Variants in AJAP1 observed in about 807,000 individuals in gnomAD.
The protein encoded by AJAP1 is adherens junctions associated protein 1, also known as adherens junction-associated protein 1.
AJAP1 carries 5 observed loss-of-function variants against 35.0 expected under a neutral mutation model. That is an observed-to-expected ratio of 0.14 (90% confidence interval 0.07 to 0.30). The LOEUF (loss-of-function observed/expected upper bound fraction) is 0.30, where lower values mean the gene tolerates loss of function less well. Among genes scored for constraint, AJAP1 ranks in the 10% least tolerant of loss-of-function variants. The probability of loss-of-function intolerance (pLI) is 1.00; values close to 1 mark genes in which losing one functional copy is unlikely to be tolerated. For synonymous variants in AJAP1, 284 were observed against 249.3 expected, an observed-to-expected ratio of 1.14 and a Z score of -1.31; for missense variants, 586 against 571.0, an observed-to-expected ratio of 1.03 and a Z score of -0.27.
intron 2 of AJAP1, among the ~76,000 whole-genome samples, chr1:4,731,368 A>C (rs1393653443): frequency 6.6e-6 from 1 of 152,232 alleles, no homozygotes; most frequent in Non-Finnish European, 1.5e-5. Context: ...GGCGTGAGCC[A>C]CTGTGCCTGG....
At chr1:4,665,448 T>C (rs955969713) in intron 1 of AJAP1, among the ~76,000 whole-genome samples, 17 of 152,066 alleles carry the variant, frequency 1.1e-4, no homozygotes. Context: ...CAGCTCCAGG[T>C]TCCTTCTTCC....
Position 4,788,906 on chromosome 1 carries a change from A to C in AJAP1, c.*6421A>C, listed in dbSNP as rs758747650. 7.2e-5 allele frequency: 11 copies of C among 152,368 alleles called. No homozygotes were observed. The highest frequency in any genetic ancestry group is 3.4e-3 in the Middle Eastern group (1 of 294). 9.4% of individuals were successfully genotyped at this position (152,368 alleles called of 1,614,324 possible). On this transcript the variant is annotated 3_prime_UTR_variant, in exon 6 of 6. Coordinates refer to ENST00000378191, the MANE Select transcript of AJAP1 (RefSeq NM_018836.4). ...ACGCACAGCCCATGCCCCATTGTAA[A>C]GGTGACTGAAGAGAATGGTCAACTC...
chr1:4,691,122 C>T (rs1639729479), intron 1 of AJAP1, among the ~76,000 whole-genome samples: 1 of 152,230 alleles, frequency 6.6e-6, no homozygotes, highest in South Asian at 2.1e-4. Context: ...CGTGAGCTCA[C>T]TGTGCTTATG....
intron 2 of AJAP1, among the ~76,000 whole-genome samples, chr1:4,752,879 G>T (rs1229125995): frequency 2.6e-5 from 4 of 152,224 alleles, no homozygotes; most frequent in Admixed American, 1.3e-4. Context: ...AGGAGGCCTT[G>T]CAGAGCCCCC....
intron 1 of AJAP1, among the ~76,000 whole-genome samples, chr1:4,700,002 TA>T (rs1205633696): frequency 2.0e-5 from 3 of 152,180 alleles, no homozygotes; most frequent in African/African-American, 7.2e-5. Flanking sequence ...TTTCTCTAGT[TA>T]AATATGCATC....
chr1:4,721,861 C>T (rs1640523505), intron 2 of AJAP1, among the ~76,000 whole-genome samples: 1 of 152,208 alleles, frequency 6.6e-6, no homozygotes, highest in South Asian at 2.1e-4. Flanking sequence ...GATATAGTGT[C>T]CTAACTGTGC....
At chr1:4,671,915 G>A (rs1009656770) in intron 1 of AJAP1, among the ~76,000 whole-genome samples, 6 of 152,166 alleles carry the variant, frequency 3.9e-5, no homozygotes, top group Admixed American at 6.5e-5. Flanking sequence ...GCTCTCAGGC[G>A]TTGCAGTAGG....
At chr1:4,731,571 G>T (rs1640795688) in intron 2 of AJAP1, among the ~76,000 whole-genome samples, 1 of 152,174 alleles carries the variant, frequency 6.6e-6, no homozygotes, top group East Asian at 1.9e-4. Context: ...TCCTCAGCCT[G>T]CAGGAGTTAA....
At chr1:4,768,228 G>A (rs998091668) in intron 2 of AJAP1, among the ~76,000 whole-genome samples, 13 of 152,348 alleles carry the variant, frequency 8.5e-5, no homozygotes, top group East Asian at 5.8e-4. Context: ...TGCTGCAGGC[G>A]CACAGTAGGT....
intron 1 of AJAP1, among the ~76,000 whole-genome samples, chr1:4,706,682 C>T (rs553090898): frequency 2.0e-5 from 3 of 152,280 alleles, no homozygotes; most frequent in East Asian, 1.9e-4. Context: ...AGGCTCACGC[C>T]GCACACTCCC....
chr1:4,661,241 T>C (rs1457326098), intron 1 of AJAP1, among the ~76,000 whole-genome samples: 2 of 152,240 alleles, frequency 1.3e-5, no homozygotes, highest in Non-Finnish European at 2.9e-5. Flanking sequence ...CCTGATACTC[T>C]TTCTCTTTTC....
At chr1:4,728,884 G>A (rs756052598) in intron 2 of AJAP1, among the ~76,000 whole-genome samples, 1 of 151,978 alleles carries the variant, frequency 6.6e-6, no homozygotes, top group Non-Finnish European at 1.5e-5. Context: ...TGAAACCAGC[G>A]TCCTGTCACC....
In AJAP1 at chr1:4,783,037, AAC is replaced by A. The variant is rs560228512; in HGVS notation, c.*565_*566del. 82 of 386,924 alleles carry A rather than the reference AAC, an allele frequency of 2.1e-4. No individual in the cohort carries two copies. Among genetic ancestry groups the A allele is most frequent in the Middle Eastern group, 1.3e-3 (2 of 1,538 alleles). The allele number at this position is 386,924 out of a possible 1,614,324, so 24.0% of individuals were successfully genotyped here. A position where few individuals can be genotyped will look rare whatever the true frequency, so the allele number is the denominator to read the frequency against. On this transcript the variant is annotated 3_prime_UTR_variant, in exon 6 of 6. Transcript: ENST00000378191. ...ATACATATATAAATATATAAATACA[AAC>A]ACACACACACACTTTTTTTGTACTG...
At chr1:4,661,786 G>A (rs1639004796) in intron 1 of AJAP1, among the ~76,000 whole-genome samples, 1 of 152,222 alleles carries the variant, frequency 6.6e-6, no homozygotes, top group Non-Finnish European at 1.5e-5. Flanking sequence ...ATGATTTTAA[G>A]TAAAAGGTTT....
chr1:4,748,209 C>A (rs1346449666), intron 2 of AJAP1, among the ~76,000 whole-genome samples: 2 of 152,146 alleles, frequency 1.3e-5, no homozygotes, highest in African/African-American at 2.4e-5. Context: ...CTCCCATTGA[C>A]CCTCACCCTG....
chr1:4,727,539 T>C (rs938083400), intron 2 of AJAP1, among the ~76,000 whole-genome samples: 2 of 152,148 alleles, frequency 1.3e-5, no homozygotes, highest in African/African-American at 4.8e-5. Context: ...ACAACCATAT[T>C]CTCACCCCTG....
intron 2 of AJAP1, among the ~76,000 whole-genome samples, chr1:4,762,527 CG>C (rs1641589520): frequency 6.6e-6 from 1 of 152,202 alleles, no homozygotes; most frequent in African/African-American, 2.4e-5. Context: ...ATATTTCATG[CG>C]TATTGTCACA....
chr1:4,724,269 G>A (rs1432009029), intron 2 of AJAP1, among the ~76,000 whole-genome samples: 1 of 152,154 alleles, frequency 6.6e-6, no homozygotes, highest in Non-Finnish European at 1.5e-5. Flanking sequence ...GGGCACTTGA[G>A]CGAGGTCTGA....
Position 4,782,429 on chromosome 1 carries a change from G to A in AJAP1, c.*60-116G>A, listed in dbSNP as rs753076967. The A allele has an allele frequency of 2.9e-5, 7 of 242,864 alleles. No individual in the cohort carries two copies. Among genetic ancestry groups the A allele is most frequent in the Admixed American group, 5.6e-5 (1 of 17,874 alleles). The allele number at this position is 242,864 out of a possible 1,614,324, so 15.0% of individuals were successfully genotyped here. Reference sequence around the variant, plus strand: ...CAGTGAACCGATAAAGGGAGTGATCGGGCTCTGCATGCGGGGGTGCTGCGT... The same window carrying A: ...CAGTGAACCGATAAAGGGAGTGATCAGGCTCTGCATGCGGGGGTGCTGCGT... On this transcript the variant is annotated intron_variant, in intron 5 of 5. Coordinates refer to ENST00000378191, the MANE Select transcript of AJAP1 (RefSeq NM_018836.4). The surrounding 1 kb of genome is among the most constrained non-coding windows in gnomAD (Gnocchi z 5.3).
Sources: allele counts gnomAD v4.1 joint callset (sites outside exome capture counted in the v4.1 genomes callset), GRCh38; gene constraint gnomAD v4.1.1; non-coding constraint Gnocchi (gnomAD v3.1); transcripts MANE v1.5; gene names NCBI Gene and HGNC (gene_info 2026-07-23, HGNC 2026-07-21).